RBFOX1: variants seen among roughly 807,000 people sequenced by gnomAD.
RBFOX1 encodes the protein RNA binding fox-1 homolog 1.
In RBFOX1, 8 loss-of-function variants were observed where a neutral mutation model predicts 57.7. The ratio of observed to expected loss-of-function variants is 0.14; its 90% confidence interval spans 0.08 to 0.25. The LOEUF (loss-of-function observed/expected upper bound fraction) is 0.25, where lower values mean the gene tolerates loss of function less well. Ranked by LOEUF, RBFOX1 falls within the 10% of genes least tolerant of loss-of-function variation. The pLI is 1.00. For synonymous variants in RBFOX1, 326 were observed against 222.4 expected (o/e 1.47, Z -4.15); for missense variants, 611 against 548.5 (o/e 1.11, Z -1.14).
At chr16:5,480,081 G>C (rs1235777467) in intron 2 of RBFOX1, among the ~76,000 whole-genome samples, 2 of 152,156 alleles carry the variant, frequency 1.3e-5, no homozygotes, top group Non-Finnish European at 2.9e-5. Flanking sequence ...TCCAGTCCAG[G>C]GTGGCTCACA....
In RBFOX1 at chr16:5,764,121, C is replaced by T. The variant is rs547071605; in HGVS notation, c.319-103182C>T. ...GAGAGAAGGCTGTGAAAGTCTTTTG[C>T]AACCAGGAAGATGCTGTGGGGCAGT... On this transcript the variant is annotated intron_variant, in intron 3 of 19. Transcript: ENST00000641259. Among the ~76,000 whole-genome samples the T allele has an allele frequency of 2.0e-5, 3 of 152,234 alleles. No individual in the cohort carries two copies. The South Asian group carries it at 6.2e-4, about 32-fold the overall frequency.
At chr16:7,406,101 G>C (rs12599571) in intron 4 of RBFOX1, among the ~76,000 whole-genome samples, 11,911 of 152,152 alleles carry the variant, frequency 0.078, 536 homozygotes, top group East Asian at 0.18. Context: ...GGAGGTGAAG[G>C]CTTTCTTGGC....
chr16:6,957,033 A>C (rs146978869), intron 3 of RBFOX1, among the ~76,000 whole-genome samples: 1 of 151,520 alleles, frequency 6.6e-6, no homozygotes, highest in Non-Finnish European at 1.5e-5. Flanking sequence ...ATAAAAGAAT[A>C]GGCATATTCC....
intron 3 of RBFOX1, among the ~76,000 whole-genome samples, chr16:5,720,219 C>A (rs896503964): frequency 1.3e-5 from 2 of 152,094 alleles, no homozygotes; most frequent in African/African-American, 4.8e-5. Context: ...TGTAGTAGGT[C>A]TTTTTTGGAG....
intron 2 of RBFOX1, among the ~76,000 whole-genome samples, chr16:5,480,807 C>T (rs2151642845): frequency 6.6e-6 from 1 of 152,332 alleles, no homozygotes. Context: ...CATAATATGT[C>T]ACCAAGTGGA....
At chr16:5,741,950 A>G (rs2052783096) in intron 3 of RBFOX1, among the ~76,000 whole-genome samples, 1 of 152,244 alleles carries the variant, frequency 6.6e-6, no homozygotes, top group African/African-American at 2.4e-5. Flanking sequence ...GGGAATCATG[A>G]TAATGCTATC....
intron 1 of RBFOX1, among the ~76,000 whole-genome samples, chr16:6,063,483 ACACACACACACACACACACACACC>A (rs2095715292): frequency 1.0e-5 from 1 of 99,432 alleles, no homozygotes; most frequent in African/African-American, 3.9e-5. Flanking sequence ...ACACACACAC[ACACACACACACACACACACACACC>A]CCCTTATATT....
At chr16:5,624,616 A>G (rs1263216017) in intron 3 of RBFOX1, among the ~76,000 whole-genome samples, 2 of 152,206 alleles carry the variant, frequency 1.3e-5, no homozygotes, top group Non-Finnish European at 2.9e-5. Context: ...AGGCACAAGG[A>G]CAGTGTCTGT....
intron 1 of RBFOX1, among the ~76,000 whole-genome samples, chr16:6,144,205 A>G (rs561023073): frequency 6.6e-6 from 1 of 152,280 alleles, no homozygotes; most frequent in South Asian, 2.1e-4. Flanking sequence ...CATGGACTAT[A>G]AGTGCTGGGA....
At chr16:7,678,547 G>A (rs2073969572) in intron 14 of RBFOX1, among the ~76,000 whole-genome samples, 1 of 151,866 alleles carries the variant, frequency 6.6e-6, no homozygotes, top group Non-Finnish European at 1.5e-5. Flanking sequence ...ACTCTAGCCT[G>A]CTGTATAATT....
intron 4 of RBFOX1, among the ~76,000 whole-genome samples, chr16:7,420,512 T>A (rs2098530187): frequency 6.6e-6 from 1 of 152,206 alleles, no homozygotes; most frequent in Non-Finnish European, 1.5e-5. Flanking sequence ...GACTCATGTC[T>A]GATGTTTGAA....
At chr16:7,451,251 C>G (rs1352171502) in intron 4 of RBFOX1, among the ~76,000 whole-genome samples, 1 of 152,200 alleles carries the variant, frequency 6.6e-6, no homozygotes, top group Non-Finnish European at 1.5e-5. Flanking sequence ...GAATTCAGTT[C>G]TATGAGCTTT....
At chr16:7,610,560 G>T (rs1035218112) in intron 10 of RBFOX1, among the ~76,000 whole-genome samples, 5 of 152,120 alleles carry the variant, frequency 3.3e-5, no homozygotes, top group South Asian at 4.1e-4. Context: ...CTGAGTATCT[G>T]TGTTTCATGC....
At chr16:5,303,326 A>C (rs958932521) in intron 1 of RBFOX1, among the ~76,000 whole-genome samples, 2 of 152,208 alleles carry the variant, frequency 1.3e-5, no homozygotes, top group African/African-American at 4.8e-5. Context: ...CTGCACAGGC[A>C]GAGGATTATT....
At chr16:7,278,861 A>C (rs1465237967) in intron 4 of RBFOX1, among the ~76,000 whole-genome samples, 1 of 152,186 alleles carries the variant, frequency 6.6e-6, no homozygotes, top group Non-Finnish European at 1.5e-5. Context: ...TCTTGTTCTC[A>C]GCCTAAATTT....
At chr16:6,052,708 C>T (rs966392106) in intron 1 of RBFOX1, among the ~76,000 whole-genome samples, 16 of 151,590 alleles carry the variant, frequency 1.1e-4, no homozygotes, top group South Asian at 2.1e-4. Flanking sequence ...GGCGTGAACC[C>T]GGGAGGCGGA....
chr16:7,280,698 G>C (rs777844738), intron 4 of RBFOX1, among the ~76,000 whole-genome samples: 8 of 152,082 alleles, frequency 5.3e-5, no homozygotes, highest in Non-Finnish European at 8.8e-5. Flanking sequence ...CTGACGTTTT[G>C]GACCAGATTG....
At chr16:5,801,036 C>T (rs746756629) in intron 3 of RBFOX1, among the ~76,000 whole-genome samples, 3 of 152,110 alleles carry the variant, frequency 2.0e-5, no homozygotes, top group Non-Finnish European at 4.4e-5. Context: ...GCCCTCTGAT[C>T]ACAGGATTGC....
chr16:6,167,675 C>G (rs1237518033), intron 1 of RBFOX1, among the ~76,000 whole-genome samples: 5 of 152,114 alleles, frequency 3.3e-5, no homozygotes, highest in Non-Finnish European at 5.9e-5. Context: ...AATGCAATGT[C>G]CAACCAACCT....
Sources: allele counts gnomAD v4.1 joint callset (sites outside exome capture counted in the v4.1 genomes callset), GRCh38; gene constraint gnomAD v4.1.1; transcripts MANE v1.5; gene names NCBI Gene and HGNC (gene_info 2026-07-23, HGNC 2026-07-21).